CDH13: variants seen among roughly 807,000 people sequenced by gnomAD.
CDH13 encodes the protein cadherin-13.
A neutral mutation model predicts 63.8 loss-of-function variants in CDH13; 24 were observed. The observed-to-expected ratio is 0.38, with a 90% CI of 0.27 to 0.53. The LOEUF (loss-of-function observed/expected upper bound fraction) is 0.53. Among genes scored for constraint, CDH13 ranks in the 20% least tolerant of loss-of-function variants. CDH13 has a pLI of 0.85. For synonymous variants in CDH13, 503 were observed against 355.3 expected, an observed-to-expected ratio of 1.42 and a Z score of -4.67; for missense variants, 1,049 against 903.1, an observed-to-expected ratio of 1.16 and a Z score of -2.07.
chr16:82,724,358 C>T (rs191850719), intron 1 of CDH13, among the ~76,000 whole-genome samples: 354 of 152,226 alleles, frequency 2.3e-3, no homozygotes, highest in Non-Finnish European at 3.6e-3. Flanking sequence ...GTCAAATGCT[C>T]ATTTGCCAGG....
rs567125287 is a variant in CDH13, at chr16:83,272,192, C to T, written c.636+54695C>T. On this transcript the variant is annotated intron_variant, in intron 5 of 13. Coordinates refer to ENST00000567109, the MANE Select transcript of CDH13 (RefSeq NM_001257.5). ...GATGAAGTCTCCAGCCATAAAGAAA[C>T]TATATTCTAGTGAGGGAGATGGATG... Among the ~76,000 whole-genome samples the T allele has an allele frequency of 1.4e-3, 218 of 152,252 alleles. 1 individual carries two copies. Among genetic ancestry groups the T allele is most frequent in the African/African-American group, 5.1e-3 (213 of 41,546 alleles).
chr16:83,567,470 C>T (rs930238798), intron 7 of CDH13, among the ~76,000 whole-genome samples: 3 of 152,152 alleles, frequency 2.0e-5, no homozygotes, highest in Non-Finnish European at 4.4e-5. Flanking sequence ...CATAAGACTT[C>T]GCTAGTAAAT....
At chr16:83,423,393 C>A (rs1253944221) in intron 6 of CDH13, among the ~76,000 whole-genome samples, 1 of 152,048 alleles carries the variant, frequency 6.6e-6, no homozygotes, top group Non-Finnish European at 1.5e-5. Flanking sequence ...AATGGCATCA[C>A]CATTGTGTGA....
intron 1 of CDH13, among the ~76,000 whole-genome samples, chr16:82,670,510 G>A (rs1161225132): frequency 6.6e-6 from 1 of 152,160 alleles, no homozygotes; most frequent in Admixed American, 6.5e-5. Context: ...TGGGTAGGGT[G>A]ACCATGCACT....
intron 2 of CDH13, among the ~76,000 whole-genome samples, chr16:83,029,305 G>A (rs975305800): frequency 3.3e-5 from 5 of 152,068 alleles, no homozygotes; most frequent in Non-Finnish European, 5.9e-5. Flanking sequence ...TATTTATTTG[G>A]CTTTAACAGT....
At chr16:83,727,601 A>G (rs1454433789) in intron 10 of CDH13, among the ~76,000 whole-genome samples, 1 of 152,088 alleles carries the variant, frequency 6.6e-6, no homozygotes, top group African/African-American at 2.4e-5. Context: ...GTTTTACTAA[A>G]TGAAATATCA....
chr16:82,895,713 G>A (rs1426755550), intron 2 of CDH13, among the ~76,000 whole-genome samples: 2 of 149,908 alleles, frequency 1.3e-5, no homozygotes, highest in Non-Finnish European at 3.0e-5. Flanking sequence ...AAAGAGGGGT[G>A]TTTTCTGCTT....
At chr16:83,478,847 AAAAAAAG>A (rs1037089513) in intron 6 of CDH13, among the ~76,000 whole-genome samples, 2 of 150,130 alleles carry the variant, frequency 1.3e-5, no homozygotes, top group East Asian at 1.9e-4. Context: ...AAAAAAAAAA[AAAAAAAG>A]AAAAAAAGAA....
chr16:82,743,204 T>G (rs1369628439), intron 1 of CDH13, among the ~76,000 whole-genome samples: 1 of 152,186 alleles, frequency 6.6e-6, no homozygotes. Context: ...CAGTGAACAT[T>G]TTAATAATTG....
At chr16:82,807,948 T>C (rs2037235088) in intron 1 of CDH13, among the ~76,000 whole-genome samples, 1 of 152,196 alleles carries the variant, frequency 6.6e-6, no homozygotes. Context: ...GAATTGGTTA[T>C]TATCCAAGGT....
intron 1 of CDH13, among the ~76,000 whole-genome samples, chr16:82,729,108 C>T (rs980702045): frequency 6.6e-6 from 1 of 152,152 alleles, no homozygotes; most frequent in African/African-American, 2.4e-5. Flanking sequence ...GTTACTTCCT[C>T]TACTGAAGTC....
chr16:82,635,942 G>A (rs577547123), intron 1 of CDH13, among the ~76,000 whole-genome samples: 3 of 152,000 alleles, frequency 2.0e-5, no homozygotes, highest in Admixed American at 1.3e-4. Context: ...TGCCTCCTTC[G>A]CCTTCCCCTT....
chr16:82,974,380 C>G (rs991795894), intron 2 of CDH13, among the ~76,000 whole-genome samples: 4 of 152,244 alleles, frequency 2.6e-5, no homozygotes, highest in South Asian at 2.1e-4. Context: ...CTCTGGTTCC[C>G]AACACCCTGA....
chr16:83,756,510 C>CCGCATTCAAAAAA (rs1913518168), intron 11 of CDH13, among the ~76,000 whole-genome samples: 1 of 152,206 alleles, frequency 6.6e-6, no homozygotes, highest in African/African-American at 2.4e-5. Context: ...TGCGGCCCAA[C>CCGCATTCAAAAAA]ACAAATTTTT....
intron 9 of CDH13, among the ~76,000 whole-genome samples, chr16:83,677,815 C>T (rs143462640): frequency 1.3e-5 from 2 of 152,142 alleles, no homozygotes; most frequent in East Asian, 3.9e-4. Flanking sequence ...AGGTTCCAGG[C>T]AGGGAGGCTT....
At chr16:82,972,712 A>G (rs772210523) in intron 2 of CDH13, among the ~76,000 whole-genome samples, 1 of 152,224 alleles carries the variant, frequency 6.6e-6, no homozygotes, top group Non-Finnish European at 1.5e-5. Flanking sequence ...GCACCATTCC[A>G]TGAATCCAAG....
intron 4 of CDH13, among the ~76,000 whole-genome samples, chr16:83,166,815 T>C (rs2037693889): frequency 6.6e-6 from 1 of 152,200 alleles, no homozygotes; most frequent in Non-Finnish European, 1.5e-5. Context: ...TGAGGTGTTC[T>C]TAGCATTATT....
chr16:82,681,606 T>G (rs1914553664), intron 1 of CDH13, among the ~76,000 whole-genome samples: 1 of 152,288 alleles, frequency 6.6e-6, no homozygotes, highest in African/African-American at 2.4e-5. Flanking sequence ...TGACACTTTC[T>G]TGCTTAACCT....
chr16:83,733,071 C>A (rs1174436202), intron 10 of CDH13, among the ~76,000 whole-genome samples: 1 of 152,156 alleles, frequency 6.6e-6, no homozygotes, highest in Admixed American at 6.5e-5. Context: ...CAGGAAGCTC[C>A]CCACCTTGAT....
Sources: gnomAD v4.1 joint callset for allele counts (sites outside exome capture counted in the v4.1 genomes callset) on GRCh38, gnomAD v4.1.1 for gene constraint, MANE v1.5 for transcripts, NCBI Gene and HGNC (gene_info 2026-07-23, HGNC 2026-07-21) for gene names.